Variants in ATF7IP observed in about 807,000 individuals in gnomAD.
The protein encoded by ATF7IP is activating transcription factor 7-interacting protein 1.
A neutral mutation model predicts 106.4 loss-of-function variants in ATF7IP; 23 were observed. The observed-to-expected ratio is 0.22, with a 90% CI of 0.16 to 0.31. The LOEUF is 0.31. Among genes scored for constraint, ATF7IP ranks in the 10% least tolerant of loss-of-function variants. The pLI, the probability that ATF7IP is intolerant of heterozygous loss-of-function variation, is 1.00. For synonymous variants in ATF7IP, 542 were observed against 539.0 expected, an observed-to-expected ratio of 1.01 and a Z score of -0.08; for missense variants, 1,334 against 1,524.3, an observed-to-expected ratio of 0.88 and a Z score of 2.08.
chr12:14,385,731 A>G (rs566998903), intron 1 of ATF7IP, among the ~76,000 whole-genome samples: 16 of 152,252 alleles, frequency 1.1e-4, no homozygotes, highest in African/African-American at 3.6e-4. Flanking sequence ...AAATTAAAAC[A>G]ATATATTATC....
chr12:14,498,273 C>G lies in ATF7IP; in HGVS notation c.*200C>G, dbSNP rs899289932. On this transcript the variant is annotated 3_prime_UTR_variant, in exon 15 of 15. Coordinates refer to ENST00000261168, the MANE Select transcript of ATF7IP (RefSeq NM_018179.5). The stretch of plus-strand genomic sequence containing the variant: ...AGAATCTTTTCCTGGACAGTTTAGG[C>G]TTTGGGGTTTGGAAATGTAAATGTG... 1.5e-5 allele frequency: 8 copies of G among 521,702 alleles called. No individual in the cohort carries two copies. The highest frequency in any genetic ancestry group is 1.1e-4 in the Admixed American group (3 of 27,864). The allele number at this position is 521,702 out of a possible 1,614,324, so 32.3% of individuals were successfully genotyped here. A position where few individuals can be genotyped will look rare whatever the true frequency, so the allele number is the denominator to read the frequency against.
chr12:14,475,311 G>A (rs1944219824), intron 10 of ATF7IP, among the ~76,000 whole-genome samples: 1 of 152,182 alleles, frequency 6.6e-6, no homozygotes, highest in Non-Finnish European at 1.5e-5. Context: ...TTAGGTTTAT[G>A]TCGTCTTACC....
At chr12:14,417,589 G>A (rs559515107) in intron 1 of ATF7IP, among the ~76,000 whole-genome samples, 41 of 152,032 alleles carry the variant, frequency 2.7e-4, no homozygotes, top group Non-Finnish European at 4.6e-4. Context: ...ATGTTCTTAC[G>A]TATATTGTCC....
At chr12:14,490,664 G>A (rs1010973715) in intron 13 of ATF7IP, among the ~76,000 whole-genome samples, 21 of 152,158 alleles carry the variant, frequency 1.4e-4, no homozygotes, top group African/African-American at 2.4e-5. Context: ...ATCTTCCACT[G>A]TCAAGTGATC....
intron 2 of ATF7IP, among the ~76,000 whole-genome samples, chr12:14,430,738 A>G (rs1441361579): frequency 6.6e-6 from 1 of 152,192 alleles, no homozygotes; most frequent in Admixed American, 6.5e-5. Context: ...AAATCAGTGA[A>G]TGGGGTAGAC....
chr12:14,496,679 G>A (rs377199269), intron 14 of ATF7IP, among the ~76,000 whole-genome samples: 109 of 152,100 alleles, frequency 7.2e-4, no homozygotes, highest in African/African-American at 2.1e-3. Context: ...TTATTCTTTC[G>A]TTCTAAACTA....
intron 1 of ATF7IP, among the ~76,000 whole-genome samples, chr12:14,383,331 A>G (rs902747836): frequency 6.6e-6 from 1 of 152,206 alleles, no homozygotes; most frequent in Non-Finnish European, 1.5e-5. Context: ...TGAAGAAGAT[A>G]TCATCCATTT....
intron 1 of ATF7IP, among the ~76,000 whole-genome samples, chr12:14,417,425 C>T (rs1053266777): frequency 4.0e-5 from 6 of 151,760 alleles, no homozygotes; most frequent in East Asian, 1.9e-4. Context: ...TTTTTGGAAT[C>T]GGAAATCTGT....
intron 11 of ATF7IP, 51 bp from the exon 12 acceptor site, chr12:14,478,266 A>G: frequency 6.3e-7 from 1 of 1,576,226 alleles, no homozygotes; most frequent in Middle Eastern, 1.7e-4. Context: ...AAAGACTTGT[A>G]TTTCCTGATT....
intron 1 of ATF7IP, among the ~76,000 whole-genome samples, chr12:14,368,275 A>G (rs1259292208): frequency 3.3e-5 from 5 of 152,000 alleles, no homozygotes; most frequent in African/African-American, 9.7e-5. Flanking sequence ...TTGGTACCAT[A>G]ATTTCATTTC....
intron 1 of ATF7IP, among the ~76,000 whole-genome samples, chr12:14,380,940 G>A (rs1478675072): frequency 6.6e-6 from 1 of 152,102 alleles, no homozygotes; most frequent in Non-Finnish European, 1.5e-5. Context: ...ATTTTTAACT[G>A]CAGATGTTGT....
At chr12:14,456,936 T>C (rs1943449828) in intron 7 of ATF7IP, among the ~76,000 whole-genome samples, 1 of 152,222 alleles carries the variant, frequency 6.6e-6, no homozygotes, top group African/African-American at 2.4e-5. Flanking sequence ...AATGTCTGTA[T>C]ATATTAGGAC....
intron 1 of ATF7IP, among the ~76,000 whole-genome samples, chr12:14,396,250 CTT>C (rs59852556): frequency 0.042 from 6,316 of 152,118 alleles, 217 homozygotes; most frequent in African/African-American, 0.097. Context: ...GCAGCAGGCT[CTT>C]TCTGTAACCA....
intron 13 of ATF7IP, among the ~76,000 whole-genome samples, chr12:14,489,855 A>G (rs1215289274): frequency 6.6e-6 from 1 of 152,178 alleles, no homozygotes; most frequent in Non-Finnish European, 1.5e-5. Flanking sequence ...CTGTGAGTCC[A>G]TGGATAGTAG....
intron 13 of ATF7IP, among the ~76,000 whole-genome samples, chr12:14,494,923 ACT>A (rs1240873045): frequency 1.7e-5 from 2 of 116,978 alleles, no homozygotes; most frequent in African/African-American, 6.6e-5. Context: ...ACAGAGCCAG[ACT>A]CTGTCTCAAA....
chr12:14,476,101 T>A, intron 11 of ATF7IP, 133 bp downstream of exon 11: 2 of 701,342 alleles, frequency 2.9e-6, no homozygotes, highest in Non-Finnish European at 4.7e-6. Flanking sequence ...GGAATGGAAG[T>A]TTTTTAGATT....
In ATF7IP at chr12:14,424,408, TCCTCTAGTGATGCTG is replaced by T; in HGVS notation, c.499_513del (p.Ser167_Ser171del). Reference sequence around the variant, plus strand: ...TGGTGATCCCACCTCTAGCGAGCCCTCCTCTAGTGATGCTGCCTCTGGTGATGCAACCTCTGGTGA... The same window carrying T: ...TGGTGATCCCACCTCTAGCGAGCCCTCCTCTGGTGATGCAACCTCTGGTGA... On this transcript the variant is annotated inframe_deletion, in exon 2 of 15. Coordinates refer to ENST00000261168, the MANE Select transcript of ATF7IP (RefSeq NM_018179.5). The T allele has an allele frequency of 1.2e-6, 2 of 1,613,042 alleles. No homozygotes were observed. Among genetic ancestry groups the T allele is most frequent in the Non-Finnish European group, 1.7e-6 (2 of 1,179,590 alleles).
Position 14,438,112 on chromosome 12 carries a change from G to T in ATF7IP, c.1792-18G>T. 1 of 1,604,490 alleles carries T rather than the reference G, an allele frequency of 6.2e-7. No individual in the cohort carries two copies. Among genetic ancestry groups the T allele is most frequent in the Non-Finnish European group, 8.5e-7 (1 of 1,175,890 alleles). ...GGAATGCCTTCTTGGCATAATGAAG[G>T]AATATTTGTTTCTTTAGGTTATACA... On this transcript the variant is annotated intron_variant, in intron 4 of 14. Coordinates refer to ENST00000261168, the MANE Select transcript of ATF7IP (RefSeq NM_018179.5).
intron 1 of ATF7IP, among the ~76,000 whole-genome samples, chr12:14,403,385 A>G (rs1417965486): frequency 6.6e-6 from 1 of 151,914 alleles, no homozygotes; most frequent in African/African-American, 2.4e-5. Flanking sequence ...ATGAGGATAA[A>G]GGAATTAGAA....
Sources: allele counts gnomAD v4.1 joint callset (sites outside exome capture counted in the v4.1 genomes callset), GRCh38; gene constraint gnomAD v4.1.1; transcripts MANE v1.5; gene names NCBI Gene and HGNC (gene_info 2026-07-23, HGNC 2026-07-21).